Variants in RCL1 observed in about 807,000 individuals in gnomAD.
RCL1 encodes the protein RNA 3'-terminal phosphate cyclase-like protein.
Under a neutral mutation model 42.4 loss-of-function variants are expected in RCL1, and 24 were observed. The observed-to-expected ratio is 0.57, with a 90% CI of 0.41 to 0.80. RCL1 has a LOEUF of 0.80. Ranked by LOEUF, RCL1 falls within the 30% of genes least tolerant of loss-of-function variation. RCL1 has a pLI of 0.00. For synonymous variants in RCL1, 228 were observed against 177.3 expected (o/e 1.29, Z -2.27); for missense variants, 578 against 467.9 (o/e 1.24, Z -2.17).
At chr9:4,822,954 G>A (rs1051420576) in intron 1 of RCL1, among the ~76,000 whole-genome samples, 1 of 152,032 alleles carries the variant, frequency 6.6e-6, no homozygotes, top group Non-Finnish European at 1.5e-5. Context: ...CAGTAATACT[G>A]TACATTCAAA....
intron 3 of RCL1, among the ~76,000 whole-genome samples, chr9:4,830,614 C>G (rs1258161466): frequency 1.3e-5 from 2 of 152,176 alleles, no homozygotes; most frequent in African/African-American, 4.8e-5. Context: ...AGATTCCATT[C>G]TTTTCCAGTT....
At chr9:4,839,926 G>A (rs73639231) in intron 5 of RCL1, 49 of 985,424 alleles carry the variant, frequency 5.0e-5, no homozygotes, top group Admixed American at 6.2e-5. Context: ...TTGGGACCTC[G>A]GGCTGGGAGA....
At chr9:4,801,147 T>C (rs79886780) in intron 1 of RCL1, among the ~76,000 whole-genome samples, 6,595 of 152,282 alleles carry the variant, frequency 0.043, 202 homozygotes, top group East Asian at 0.093. Context: ...TTTGTCCATT[T>C]CTAATAGGAT....
At chr9:4,808,889 ATGTT>A (rs1218845526) in intron 1 of RCL1, among the ~76,000 whole-genome samples, 1 of 152,206 alleles carries the variant, frequency 6.6e-6, no homozygotes, top group Non-Finnish European at 1.5e-5. Context: ...AAAGTAATAC[ATGTT>A]TGTTTGGGGG....
chr9:4,849,421 G>C (rs1252343127), intron 7 of RCL1, 26 bp from the exon 8 acceptor site: 25 of 1,552,700 alleles, frequency 1.6e-5, no homozygotes, highest in Non-Finnish European at 2.2e-5. Context: ...TTTCTGGTTT[G>C]TACAATTATT....
chr9:4,845,216 A>T (rs927641495), intron 7 of RCL1, among the ~76,000 whole-genome samples: 44 of 152,264 alleles, frequency 2.9e-4, no homozygotes, highest in Non-Finnish European at 1.0e-4. Context: ...GAAGAAAAAA[A>T]TTTAAAAAAG....
At chr9:4,823,461 C>G in intron 1 of RCL1, 87 bp from the exon 2 acceptor site, 1 of 1,017,866 alleles carries the variant, frequency 9.8e-7, no homozygotes, top group Non-Finnish European at 1.5e-6. Flanking sequence ...ACCACAGTAC[C>G]TGAATCAGGC....
intron 1 of RCL1, 63 bp downstream of exon 1, chr9:4,793,290 C>G (rs1453137848): frequency 2.0e-6 from 3 of 1,503,992 alleles, no homozygotes; most frequent in African/African-American, 2.9e-5. Flanking sequence ...GAGCTGATGC[C>G]GTGGGGGCCC....
intron 1 of RCL1, among the ~76,000 whole-genome samples, chr9:4,812,394 A>G (rs1433873542): frequency 6.6e-6 from 1 of 151,938 alleles, no homozygotes; most frequent in South Asian, 2.1e-4. Context: ...TTTCTTCTGC[A>G]TATGGCTATA....
chr9:4,805,469 C>T (rs1472863845), intron 1 of RCL1, among the ~76,000 whole-genome samples: 2 of 152,098 alleles, frequency 1.3e-5, no homozygotes, highest in East Asian at 3.9e-4. Flanking sequence ...TCTTTGGATC[C>T]TTCTTTGGAT....
chr9:4,823,678 ACT>A (rs1816666209), intron 2 of RCL1, 59 bp downstream of exon 2: 1 of 1,218,368 alleles, frequency 8.2e-7, no homozygotes, highest in Non-Finnish European at 1.2e-6. Context: ...CCTGTTTCTC[ACT>A]CTTTTTTTTC....
Position 4,826,863 on chromosome 9 carries a change from A to G in RCL1, c.214A>G (p.Thr72Ala). The change falls in exon 3 of 9, where the codon ACC (threonine) becomes GCC (alanine). Residue 72 changes from threonine (T) to alanine (A), a missense_variant. Coordinates refer to ENST00000381750, the MANE Select transcript of RCL1 (RefSeq NM_005772.5). ...SRIEINQTGT[T>A]LYYQPGLLYG... ...TCTTTTTCTTCTGGTTTAAGGAACAACCTTATATTATCAGCCTGGCCTCCT... is the reference window on the plus strand; with the variant it reads ...TCTTTTTCTTCTGGTTTAAGGAACAGCCTTATATTATCAGCCTGGCCTCCT... The G allele has an allele frequency of 6.2e-7, 1 of 1,612,366 alleles. No homozygotes were observed. The highest frequency in any genetic ancestry group is 8.5e-7 in the Non-Finnish European group (1 of 1,179,288).
At chr9:4,815,783 C>T (rs1405045850) in intron 1 of RCL1, among the ~76,000 whole-genome samples, 1 of 152,162 alleles carries the variant, frequency 6.6e-6, no homozygotes, top group African/African-American at 2.4e-5. Flanking sequence ...CGTATGTATA[C>T]TCCAGGCAGC....
At chr9:4,852,984 G>C (rs1419881263) in intron 8 of RCL1, among the ~76,000 whole-genome samples, 4 of 152,020 alleles carry the variant, frequency 2.6e-5, no homozygotes, top group South Asian at 2.1e-4. Flanking sequence ...TTAATTTCTA[G>C]TTATTATTTT....
chr9:4,799,349 A>G (rs1294533387), intron 1 of RCL1, among the ~76,000 whole-genome samples: 1 of 152,182 alleles, frequency 6.6e-6, no homozygotes, highest in Non-Finnish European at 1.5e-5. Context: ...ATAATCGTAG[A>G]TTCACATGCA....
chr9:4,837,171 C>T (rs902723379), intron 5 of RCL1, among the ~76,000 whole-genome samples: 6 of 152,088 alleles, frequency 3.9e-5, no homozygotes, highest in African/African-American at 9.7e-5. Flanking sequence ...GTTTTTGAAA[C>T]CAAATGTGCC....
At chr9:4,838,445 C>A (rs1243259550) in intron 5 of RCL1, among the ~76,000 whole-genome samples, 1 of 152,116 alleles carries the variant, frequency 6.6e-6, no homozygotes, top group African/African-American at 2.4e-5. Context: ...CCTAGGAGCT[C>A]ATGATTTGGT....
intron 1 of RCL1, among the ~76,000 whole-genome samples, chr9:4,812,509 C>T (rs1261424539): frequency 6.6e-6 from 1 of 152,142 alleles, no homozygotes; most frequent in African/African-American, 2.4e-5. Context: ...AACGATCCTC[C>T]TGCCTTGGCC....
chr9:4,794,835 C>T (rs1842888116), intron 1 of RCL1, among the ~76,000 whole-genome samples: 1 of 152,128 alleles, frequency 6.6e-6, no homozygotes, highest in African/African-American at 2.4e-5. Flanking sequence ...CATATGAGCT[C>T]CCGTTTCTTC....
Sources: gnomAD v4.1 joint callset for allele counts (sites outside exome capture counted in the v4.1 genomes callset) on GRCh38, gnomAD v4.1.1 for gene constraint, MANE v1.5 for transcripts, NCBI Gene and HGNC (gene_info 2026-07-23, HGNC 2026-07-21) for gene names.